FLRT1: variants seen among roughly 807,000 people sequenced by gnomAD.
FLRT1 encodes the protein leucine-rich repeat transmembrane protein FLRT1.
FLRT1 carries 14 observed loss-of-function variants against 30.9 expected under a neutral mutation model. The ratio of observed to expected loss-of-function variants is 0.45; its 90% CI spans 0.30 to 0.71. The LOEUF is 0.71. Ranked by LOEUF, FLRT1 falls within the 30% of genes least tolerant of loss-of-function variation. The pLI is 0.08. For synonymous variants in FLRT1, 368 were observed against 430.4 expected (o/e 0.85, Z 1.80); for missense variants, 737 against 949.2 (o/e 0.78, Z 2.94).
At chr11:64,110,705 G>A (rs977600446) in intron 2 of FLRT1, among the ~76,000 whole-genome samples, 5 of 152,258 alleles carry the variant, frequency 3.3e-5, no homozygotes, top group African/African-American at 1.2e-4. Context: ...CTGGCAGGTC[G>A]TAACTCACAC....
At chr11:64,059,025 C>A (rs1484405936) in intron 1 of FLRT1, among the ~76,000 whole-genome samples, 2 of 152,164 alleles carry the variant, frequency 1.3e-5, no homozygotes, top group Admixed American at 6.5e-5. Flanking sequence ...CTGAGGAGTG[C>A]CTGATGCTCT....
At chr11:64,049,796 A>G (rs953193327) in intron 1 of FLRT1, among the ~76,000 whole-genome samples, 1 of 152,190 alleles carries the variant, frequency 6.6e-6, no homozygotes, top group African/African-American at 2.4e-5. Flanking sequence ...GGGACCCACA[A>G]GTGAAGTCGT....
At chr11:64,061,977 CT>C (rs1293801539) in intron 1 of FLRT1, among the ~76,000 whole-genome samples, 1 of 148,234 alleles carries the variant, frequency 6.7e-6, no homozygotes, top group Non-Finnish European at 1.5e-5. Context: ...CCCCACCCCC[CT>C]GCCCCCTTCT....
At chr11:64,059,671 A>G (rs373946430) in intron 1 of FLRT1, among the ~76,000 whole-genome samples, 2 of 152,218 alleles carry the variant, frequency 1.3e-5, no homozygotes, top group East Asian at 1.9e-4. Context: ...GCAGTGGTGC[A>G]GATGGGGAAA....
In FLRT1 at chr11:64,070,023, A is replaced by C. The variant is rs1376066058; in HGVS notation, c.-1037-33171A>C. On this transcript the variant is annotated intron_variant, in intron 1 of 2. Coordinates refer to ENST00000682287, the MANE Select transcript of FLRT1 (RefSeq NM_013280.5). ...CTGGGGGACAGGCGGGGATGGTGAG[A>C]GGTGTCCGCCAGACCAGGCTCTGTG... Among the ~76,000 whole-genome samples, 3 of 152,234 alleles carry C rather than the reference A, an allele frequency of 2.0e-5. No homozygotes were observed. The East Asian group carries it at 5.8e-4, about 29-fold the overall frequency.
At chr11:64,065,869 C>T (rs891936109) in intron 1 of FLRT1, among the ~76,000 whole-genome samples, 7 of 151,406 alleles carry the variant, frequency 4.6e-5, no homozygotes, top group Non-Finnish European at 1.0e-4. Context: ...GAGATCGCAA[C>T]AACCATTCAC....
At chr11:64,053,975 G>A (rs191526538) in intron 1 of FLRT1, among the ~76,000 whole-genome samples, 2 of 152,136 alleles carry the variant, frequency 1.3e-5, no homozygotes, top group Admixed American at 6.5e-5. Flanking sequence ...TTCCAGCACC[G>A]TGCTGGGCGC....
intron 1 of FLRT1, among the ~76,000 whole-genome samples, chr11:64,044,385 C>T (rs1273040471): frequency 2.0e-5 from 3 of 151,782 alleles, no homozygotes; most frequent in Non-Finnish European, 1.5e-5. Context: ...CCGAATAGCT[C>T]GGACTACAGG....
intron 1 of FLRT1, chr11:64,060,592 G>C (rs1477137316): frequency 1.3e-5 from 2 of 152,224 alleles, no homozygotes; most frequent in Non-Finnish European, 2.9e-5. Context: ...TCCCATGCGC[G>C]CACAGCCTGA....
chr11:64,054,691 A>G (rs377045091), intron 1 of FLRT1, among the ~76,000 whole-genome samples: 7 of 152,026 alleles, frequency 4.6e-5, no homozygotes, highest in African/African-American at 1.7e-4. Context: ...TTTGAAGAAG[A>G]CATTCCCCTC....
rs556198458 is a variant in FLRT1, at chr11:64,089,589, G to A, written c.-1037-13605G>A. On this transcript the variant is annotated intron_variant, in intron 1 of 2. Coordinates refer to ENST00000682287, the MANE Select transcript of FLRT1 (RefSeq NM_013280.5). Reference sequence around the variant, plus strand: ...CAGCCACGGACCAGAGAAAGCGGCTGAAAACTTGGGGAGACTGTTCTCAGA... The same window carrying A: ...CAGCCACGGACCAGAGAAAGCGGCTAAAAACTTGGGGAGACTGTTCTCAGA... 3.0e-4 allele frequency among the ~76,000 whole-genome samples: 45 copies of A among 152,344 alleles called. No individual in the cohort carries two copies. The East Asian group carries it at 8.5e-3, about 29-fold the overall frequency.
intron 1 of FLRT1, among the ~76,000 whole-genome samples, chr11:64,063,396 T>A (rs1271409412): frequency 6.6e-6 from 1 of 152,002 alleles, no homozygotes; most frequent in Non-Finnish European, 1.5e-5. Flanking sequence ...ATGCCAGATG[T>A]CAGGGAAGCC....
At chr11:64,072,095 C>T (rs1284814482) in intron 1 of FLRT1, among the ~76,000 whole-genome samples, 2 of 152,246 alleles carry the variant, frequency 1.3e-5, no homozygotes, top group African/African-American at 2.4e-5. Context: ...GAATCGACTG[C>T]TGAACTCATA....
chr11:64,107,037 C>T (rs2134578478), intron 2 of FLRT1, among the ~76,000 whole-genome samples: 1 of 152,208 alleles, frequency 6.6e-6, no homozygotes, highest in African/African-American at 2.4e-5. Context: ...GCATGCACCA[C>T]CATGCCCAGC....
chr11:64,061,211 C>G (rs1348644656), intron 1 of FLRT1, among the ~76,000 whole-genome samples: 2 of 152,224 alleles, frequency 1.3e-5, no homozygotes, highest in African/African-American at 4.8e-5. Flanking sequence ...GCTTCTAACC[C>G]CTGTAATAAA....
chr11:64,118,343 C>A lies in FLRT1; in HGVS notation c.*51C>A. ...CTCAGCCCCAGCTGCCCTGGCGTGG[C>A]CATGTGGCTTTGCCCAGCCTGCTGC... On this transcript the variant is annotated 3_prime_UTR_variant, in exon 3 of 3. Coordinates refer to ENST00000682287, the MANE Select transcript of FLRT1 (RefSeq NM_013280.5). The A allele has an allele frequency of 6.7e-7, 1 of 1,498,816 alleles. No homozygotes were observed. The highest frequency in any genetic ancestry group is 8.9e-7 in the Non-Finnish European group (1 of 1,121,294). The allele number at this position is 1,498,816 out of a possible 1,614,324, so 92.8% of individuals were successfully genotyped here.
chr11:64,107,754 G>C (rs647304), intron 2 of FLRT1, among the ~76,000 whole-genome samples: 42,348 of 152,052 alleles, frequency 0.28, 6,779 homozygotes, highest in African/African-American at 0.45. Context: ...GCTGGGGTTA[G>C]AAGGTCCTTG....
chr11:64,061,813 GC>G (rs376109111), intron 1 of FLRT1, among the ~76,000 whole-genome samples: 13 of 148,660 alleles, frequency 8.7e-5, no homozygotes, highest in African/African-American at 2.7e-4. Context: ...CATCCTTCAA[GC>G]CATCCTCCCA....
intron 1 of FLRT1, among the ~76,000 whole-genome samples, chr11:64,066,920 C>A (rs1020668705): frequency 6.6e-6 from 1 of 152,220 alleles, no homozygotes; most frequent in Non-Finnish European, 1.5e-5. Flanking sequence ...CCGGAGCCCA[C>A]GCCCCAGCCC....
Sources: allele counts gnomAD v4.1 joint callset (sites outside exome capture counted in the v4.1 genomes callset), GRCh38; gene constraint gnomAD v4.1.1; transcripts MANE v1.5; gene names NCBI Gene and HGNC (gene_info 2026-07-23, HGNC 2026-07-21).